PCDHGA5: variants seen among roughly 807,000 people sequenced by gnomAD.
The protein encoded by PCDHGA5 is protocadherin gamma-A5.
A neutral mutation model predicts 56.7 loss-of-function variants in PCDHGA5; 36 were observed. The ratio of observed to expected loss-of-function variants is 0.64; its 90% CI spans 0.49 to 0.84. The LOEUF is 0.84. Ranked by LOEUF, PCDHGA5 falls within the 40% of genes least tolerant of loss-of-function variation. The probability of loss-of-function intolerance (pLI) is 0.00; values close to 1 mark genes in which losing one functional copy is unlikely to be tolerated. For synonymous variants in PCDHGA5, 563 were observed against 520.2 expected (o/e 1.08, Z -1.12); for missense variants, 1,305 against 1,201.5 (o/e 1.09, Z -1.27).
At chr5:141,371,563 T>TC in intron 1 of PCDHGA5, 1 of 1,613,806 alleles carries the variant, frequency 6.2e-7, no homozygotes, top group Non-Finnish European at 8.5e-7. Context: ...AAAGGAAACT[T>TC]CCCCTTTAAA....
chr5:141,433,408 A>ATCTATCTATCT (rs1413347413), intron 1 of PCDHGA5, among the ~76,000 whole-genome samples: 6 of 127,280 alleles, frequency 4.7e-5, no homozygotes, highest in African/African-American at 1.8e-4. Context: ...TCTATCTATT[A>ATCTATCTATCT]CTTTCTTGTA....
At chr5:141,384,614 C>G (rs759348931) in intron 1 of PCDHGA5, 2 of 1,614,222 alleles carry the variant, frequency 1.2e-6, no homozygotes, top group Admixed American at 3.3e-5. Context: ...ACAGATGGTT[C>G]TACTGGCATG....
At chr5:141,479,273 T>G (rs1723290487) in intron 1 of PCDHGA5, 1 of 152,386 alleles carries the variant, frequency 6.6e-6, no homozygotes, top group South Asian at 2.1e-4. Context: ...AGTAATAATT[T>G]ATTTCAAAAA....
At chr5:141,398,670 A>T in intron 1 of PCDHGA5, 1 of 1,613,830 alleles carries the variant, frequency 6.2e-7, no homozygotes, top group Non-Finnish European at 8.5e-7. Flanking sequence ...TCTCATTAAT[A>T]ATTAAGGAGA....
intron 1 of PCDHGA5, chr5:141,388,717 C>T (rs544297444): frequency 2.5e-6 from 4 of 1,614,022 alleles, no homozygotes; most frequent in Non-Finnish European, 3.4e-6. Context: ...GCCGAGATTA[C>T]TTTCTCTTTC....
At chr5:141,423,169 C>G (rs747206648) in intron 1 of PCDHGA5, 2 of 1,613,460 alleles carry the variant, frequency 1.2e-6, no homozygotes, top group Admixed American at 3.3e-5. Context: ...GGTGGCCGTC[C>G]AGGACCACGG....
chr5:141,392,801 C>A, intron 1 of PCDHGA5: 1 of 1,570,660 alleles, frequency 6.4e-7, no homozygotes, highest in Admixed American at 1.9e-5. Flanking sequence ...GAGGATTCTG[C>A]AGCAAAACAA....
At chr5:141,384,745 C>G (rs1304134885) in intron 1 of PCDHGA5, 1 of 1,613,956 alleles carries the variant, frequency 6.2e-7, no homozygotes, top group African/African-American at 1.3e-5. Context: ...CGAGCCAGGA[C>G]TCTTTGCGGT....
At chr5:141,484,916 CCTG>C (rs34524370) in intron 1 of PCDHGA5, 64,782 of 456,708 alleles carry the variant, frequency 0.14, 4,878 homozygotes, top group African/African-American at 0.18. Context: ...ACGCATTAAC[CCTG>C]CTGCTGTTGG....
intron 1 of PCDHGA5, chr5:141,382,898 C>T (rs938652730): frequency 6.5e-7 from 1 of 1,541,064 alleles, no homozygotes. Context: ...AGCAGGACGA[C>T]TATGGCGGCT....
Position 141,420,431 on chromosome 5 carries a change from A to G in PCDHGA5, c.2421+53680A>G, listed in dbSNP as rs183252328. 8.4e-5 allele frequency: 96 copies of G among 1,148,758 alleles called. No individual in the cohort carries two copies. In the African/African-American group the frequency reaches 1.3e-3, roughly 16 times the overall value. The allele number at this position is 1,148,758 out of a possible 1,614,324, so 71.2% of individuals were successfully genotyped here. Reference sequence around the variant, plus strand: ...TATCATTATTAAAACAAAAGTTTAAATTAAATGCCTCAGTCTTCCTACTAT... The same window carrying G: ...TATCATTATTAAAACAAAAGTTTAAGTTAAATGCCTCAGTCTTCCTACTAT... On this transcript the variant is annotated intron_variant, in intron 1 of 3. Transcript: ENST00000518069.
chr5:141,422,535 A>T lies in PCDHGA5; in HGVS notation c.2421+55784A>T, dbSNP rs760963618. On this transcript the variant is annotated intron_variant, in intron 1 of 3. Transcript: ENST00000518069. ...AGGGAAGCCCGCCTTTGTCTGCAGA[A>T]ACTCATGTCTGGCTGAATGTGGCAG... 20 of 1,613,826 alleles carry T rather than the reference A, an allele frequency of 1.2e-5. 1 individual carries two copies. Among genetic ancestry groups the T allele is most frequent in the Non-Finnish European group, 8.5e-7 (1 of 1,179,882 alleles).
At chr5:141,463,741 C>T (rs1011021860) in intron 1 of PCDHGA5, among the ~76,000 whole-genome samples, 3 of 152,034 alleles carry the variant, frequency 2.0e-5, no homozygotes, top group Admixed American at 1.3e-4. Context: ...CCACCGCGCC[C>T]GGCCTGCTTC....
At chr5:141,402,796 A>C in intron 1 of PCDHGA5, 1 of 1,040,680 alleles carries the variant, frequency 9.6e-7, no homozygotes, top group South Asian at 2.0e-5. Flanking sequence ...GGCTACACAA[A>C]ACCCGGCAGA....
In PCDHGA5 at chr5:141,431,450, A is replaced by G; in HGVS notation, c.2422-63357A>G. 2 of 1,613,740 alleles carry G rather than the reference A, an allele frequency of 1.2e-6. No individual in the cohort carries two copies. Among genetic ancestry groups the G allele is most frequent in the South Asian group, 1.1e-5 (1 of 91,082 alleles). Reference sequence around the variant, plus strand: ...CACAGGCACCGCGCGCATCCGCGTGATGGTTCTGGATGCGAACGACAACGC... The same window carrying G: ...CACAGGCACCGCGCGCATCCGCGTGGTGGTTCTGGATGCGAACGACAACGC... On this transcript the variant is annotated intron_variant, in intron 1 of 3. Coordinates refer to ENST00000518069, the MANE Select transcript of PCDHGA5 (RefSeq NM_018918.3). The surrounding 1 kb of genome is among the most constrained non-coding windows in gnomAD (Gnocchi z 4.8).
chr5:141,451,740 G>A (rs370710201), intron 1 of PCDHGA5, among the ~76,000 whole-genome samples: 1 of 152,108 alleles, frequency 6.6e-6, no homozygotes, highest in Non-Finnish European at 1.5e-5. Context: ...AAATTAGCTG[G>A]TCTGGTGGTG....
Position 141,485,291 on chromosome 5 carries a change from CAGGA to C in PCDHGA5, c.2422-9512_2422-9509del. ...CCGCTACCCGGTCCCAGAGGAGTCA[CAGGA>C]AGGGACTTTTGTAGGGAATGTCGCT... On this transcript the variant is annotated intron_variant, in intron 1 of 3. Transcript: ENST00000518069. The surrounding 1 kb of genome is among the most constrained non-coding windows in gnomAD (Gnocchi z 5.7). 1 of 1,614,152 alleles carries C rather than the reference CAGGA, an allele frequency of 6.2e-7. No individual in the cohort carries two copies. Among genetic ancestry groups the C allele is most frequent in the Non-Finnish European group, 8.5e-7 (1 of 1,179,992 alleles).
intron 1 of PCDHGA5, chr5:141,478,160 G>GC (rs764598056): frequency 3.7e-6 from 6 of 1,613,948 alleles, no homozygotes. Flanking sequence ...CTCTGGCTCT[G>GC]CCCCCCGGGA....
chr5:141,419,358 C>A (rs569760413), intron 1 of PCDHGA5: 1 of 1,613,810 alleles, frequency 6.2e-7, no homozygotes, highest in South Asian at 1.1e-5. Flanking sequence ...GAGTCACGAA[C>A]GCTGTCGTCC....
Sources: gnomAD v4.1 joint callset for allele counts (sites outside exome capture counted in the v4.1 genomes callset) on GRCh38, gnomAD v4.1.1 for gene constraint, Gnocchi (gnomAD v3.1) non-coding constraint, MANE v1.5 for transcripts, NCBI Gene and HGNC (gene_info 2026-07-23, HGNC 2026-07-21) for gene names.